KIR3DL2: variants seen among roughly 807,000 people sequenced by gnomAD.
KIR3DL2 encodes killer cell immunoglobulin like receptor, three Ig domains and long cytoplasmic tail 2.
Under a neutral mutation model 41.6 loss-of-function variants are expected in KIR3DL2, and 42 were observed. The ratio of observed to expected loss-of-function variants is 1.01; its 90% CI spans 0.79 to 1.31. KIR3DL2 has a LOEUF of 1.31. KIR3DL2 is among the 50% of genes most tolerant of loss of function. The probability of loss-of-function intolerance (pLI) is 0.00; values close to 1 mark genes in which losing one functional copy is unlikely to be tolerated. For synonymous variants in KIR3DL2, 230 were observed against 221.3 expected (o/e 1.04, Z -0.35); for missense variants, 728 against 576.8 (o/e 1.26, Z -2.68).
At chr19:54,854,378 T>C (rs1316794683) in intron 4 of KIR3DL2, among the ~76,000 whole-genome samples, 1 of 151,826 alleles carries the variant, frequency 6.6e-6, no homozygotes, top group Non-Finnish European at 1.5e-5. Context: ...AGAAGTTTCA[T>C]TTCTGTTTTG....
At chr19:54,864,349 T>C (rs1484393772) in intron 6 of KIR3DL2, among the ~76,000 whole-genome samples, 2 of 152,162 alleles carry the variant, frequency 1.3e-5, no homozygotes, top group African/African-American at 2.4e-5. Context: ...GGCTCTTTTT[T>C]GATTCCATAT....
At position 54,855,675 on chromosome 19, in the gene KIR3DL2, G is replaced by A. The variant is rs2064693923; in HGVS notation, c.712G>A (p.Glu238Lys). The change falls in exon 5 of 9, where the codon GAG becomes AAG. Residue 238 changes from glutamate to lysine, a missense_variant. Physicochemically the swap from Glu to Lys is moderately conservative, Grantham distance 56. Transcript: ENST00000326321. The stretch of plus-strand genomic sequence containing the variant: ...GCCGGGCCCCACGGTTCAGGCAGGA[G>A]AGAACGTGACCTTGTCCTGTAGCTC... ...AQPGPTVQAG[E>K]NVTLSCSSWS... 1.4e-5 allele frequency: 22 copies of A among 1,613,418 alleles called. No individual in the cohort carries two copies. The highest frequency in any genetic ancestry group is 1.8e-5 in the Non-Finnish European group (21 of 1,179,972).
chr19:54,855,593 G>A, intron 4 of KIR3DL2, 26 bp from the exon 5 acceptor site: 2 of 1,607,816 alleles, frequency 1.2e-6, no homozygotes, highest in Non-Finnish European at 1.7e-6. Context: ...GAACCTCCCT[G>A]AGGAAACTGC....
chr19:54,861,504 G>C (rs1601811828), intron 6 of KIR3DL2, among the ~76,000 whole-genome samples: 1 of 146,806 alleles, frequency 6.8e-6, no homozygotes, highest in Non-Finnish European at 1.5e-5. Flanking sequence ...AAATTAAACA[G>C]GCATGATGGT....
intron 6 of KIR3DL2, among the ~76,000 whole-genome samples, chr19:54,859,612 G>C (rs668422): frequency 0.58 from 87,139 of 150,770 alleles, 25,780 homozygotes; most frequent in East Asian, 0.92. Flanking sequence ...CTTCGACTCA[G>C]TGACTCATTC....
At chr19:54,865,699 T>C (rs552968135) in intron 6 of KIR3DL2, 106 bp from the exon 7 acceptor site, 3 of 996,458 alleles carry the variant, frequency 3.0e-6, no homozygotes, top group Non-Finnish European at 4.7e-6. Flanking sequence ...AGGCTGCTTG[T>C]CCTAAGGAGA....
chr19:54,851,107 GTT>G (rs547982475), intron 1 of KIR3DL2, 111 bp from the exon 2 acceptor site: 1 of 1,371,074 alleles, frequency 7.3e-7, no homozygotes, highest in Non-Finnish European at 1.0e-6. Context: ...GGGAGGCTAA[GTT>G]TACCTTCAGC....
In KIR3DL2 at chr19:54,855,075, A is replaced by T. The variant is rs1432183866; in HGVS notation, c.656-544A>T. ...TGATGATGATGAAGATAGATAGAAG[A>T]CACATATATAAATATATAGATACAT... On this transcript the variant is annotated intron_variant, in intron 4 of 8. Transcript: ENST00000326321. Among the ~76,000 whole-genome samples the T allele has an allele frequency of 5.8e-5, 8 of 137,116 alleles. No individual in the cohort carries two copies. The East Asian group carries it at 1.6e-3, about 28-fold the overall frequency. The allele number at this position is 137,116 out of a possible 152,430, so 90.0% of individuals were successfully genotyped here.
intron 5 of KIR3DL2, among the ~76,000 whole-genome samples, chr19:54,857,616 A>G (rs1288394914): frequency 6.6e-6 from 1 of 150,776 alleles, no homozygotes; most frequent in Non-Finnish European, 1.5e-5. Context: ...CAAGGGTGTG[A>G]TCTCGGCTCA....
chr19:54,866,649 C>A lies in KIR3DL2; in HGVS notation c.1286C>A (p.Thr429Lys), dbSNP rs141052127. 103 of 1,613,772 alleles carry A rather than the reference C, an allele frequency of 6.4e-5. No individual in the cohort carries two copies. In the Admixed American group the frequency reaches 6.8e-4, roughly 11 times the overall value. ...CCCCTAACAGATACCAGCGTGTACACGGAACTTCCAAATGCTGAGCCCAGA... is the reference window on the plus strand; with the variant it reads ...CCCCTAACAGATACCAGCGTGTACAAGGAACTTCCAAATGCTGAGCCCAGA... The part of the protein sequence containing the change: ...KTPLTDTSVY[T>K]ELPNAEPRSK... Residue 429 changes from threonine (T) to lysine (K), a missense_variant, in exon 9 of 9, where the codon ACG becomes AAG. Coordinates refer to ENST00000326321, the MANE Select transcript of KIR3DL2 (RefSeq NM_006737.4).
Position 54,856,047 on chromosome 19 carries a change from T to C in KIR3DL2, c.949+135T>C, listed in dbSNP as rs1320716575. The C allele has an allele frequency of 4.0e-5, 47 of 1,164,068 alleles. No individual in the cohort carries two copies. In the East Asian group the frequency reaches 8.5e-4, roughly 21 times the overall value. 72.1% of individuals were successfully genotyped at this position (1,164,068 alleles called of 1,614,324 possible). Reference sequence around the variant, plus strand: ...ACTGGGTGTGAGGGGGGGGTCAGGGTGCAGGATGGCAGACAGGGCACCTCC... The same window carrying C: ...ACTGGGTGTGAGGGGGGGGTCAGGGCGCAGGATGGCAGACAGGGCACCTCC... On this transcript the variant is annotated intron_variant, in intron 5 of 8. Coordinates refer to ENST00000326321, the MANE Select transcript of KIR3DL2 (RefSeq NM_006737.4).
chr19:54,853,616 A>C lies in KIR3DL2; in HGVS notation c.356-131A>C. 3 of 1,091,708 alleles carry C rather than the reference A, an allele frequency of 2.7e-6. No homozygotes were observed. In the South Asian group the frequency reaches 4.1e-5, roughly 15 times the overall value. 67.6% of individuals were successfully genotyped at this position (1,091,708 alleles called of 1,614,324 possible). ...GACCTGCACCAGGGGATATGGGCAC[A>C]GAAAAGACACGGAGACACAGAGAGG... is the stretch of plus-strand genomic sequence containing the variant. On this transcript the variant is annotated intron_variant, in intron 3 of 8. Transcript: ENST00000326321.
rs754703452 is a variant in KIR3DL2, at chr19:54,866,559, C to T, written c.1196C>T (p.Ala399Val). 6.9e-5 allele frequency: 112 copies of T among 1,614,088 alleles called. 2 individuals are homozygous for T. The Middle Eastern group carries it at 1.8e-3, about 26-fold the overall frequency. ...CAAGACCCTCAGGAGGTGACGTACG[C>T]ACAGTTGGATCACTGCGTTTTCATA... Reference protein sequence around the residue: ...DEQDPQEVTYAQLDHCVFIQR... With the variant: ...DEQDPQEVTYVQLDHCVFIQR... Residue 399 changes from alanine (A) to valine (V), a missense_variant, in exon 9 of 9, where the codon GCA (alanine) becomes GTA (valine). Ala to Val is a moderately conservative substitution (Grantham distance 64). Coordinates refer to ENST00000326321, the MANE Select transcript of KIR3DL2 (RefSeq NM_006737.4).
At chr19:54,857,146 G>C (rs1442948593) in intron 5 of KIR3DL2, among the ~76,000 whole-genome samples, 1 of 150,938 alleles carries the variant, frequency 6.6e-6, no homozygotes, top group Non-Finnish European at 1.5e-5. Context: ...TGGAGTCAAA[G>C]TGGTGCGATC....
chr19:54,851,928 C>A, intron 2 of KIR3DL2, 70 bp from the exon 3 acceptor site: 3 of 1,571,494 alleles, frequency 1.9e-6, no homozygotes, highest in Admixed American at 1.7e-5. Context: ...ATGGGAGAAT[C>A]TTCTGAGCAC....
chr19:54,853,627 G>A (rs1317248155), intron 3 of KIR3DL2, 120 bp from the exon 4 acceptor site: 31 of 1,179,880 alleles, frequency 2.6e-5, no homozygotes, highest in East Asian at 7.9e-5. Flanking sequence ...GAAAAGACAC[G>A]GAGACACAGA....
At position 54,866,522 on chromosome 19, in the gene KIR3DL2, G is replaced by C. The variant is rs1158166000; in HGVS notation, c.1159G>C (p.Asp387His). ...PAGDRTVNRQ[D>H]SDEQDPQEVT... ...TCACTCAGCATTTCCCTCTCTCCAG[G>C]ACTCTGATGAACAAGACCCTCAGGA... The change falls in exon 9 of 9, where the codon GAC becomes CAC. Residue 387 changes from aspartate to histidine, a missense_variant and splice_region_variant. By Grantham distance (81) the Asp-to-His change is moderately conservative. Transcript: ENST00000326321. 6.2e-7 allele frequency: 1 copy of C among 1,613,958 alleles called. No homozygotes were observed. Among genetic ancestry groups the C allele is most frequent in the Admixed American group, 1.7e-5 (1 of 60,018 alleles).
rs201432707 is a variant in KIR3DL2 at position 54,852,143 on chromosome 19, C to G, written c.216C>G (p.His72Gln). The G allele has an allele frequency of 3.1e-6, 5 of 1,612,252 alleles. No individual in the cohort carries two copies. The Middle Eastern group carries it at 6.6e-4, about 213-fold the overall frequency. ...ACAGAAGCCACGTTCCCATCTTCCACGGCAGAATATTCCAGGAGAGCTTCA... is the reference window on the plus strand; with the variant it reads ...ACAGAAGCCACGTTCCCATCTTCCAGGGCAGAATATTCCAGGAGAGCTTCA... The part of the protein sequence containing the change: ...KEDRSHVPIF[H>Q]GRIFQESFIM... Residue 72 changes from histidine to glutamine, a missense_variant, in exon 3 of 9, where the codon CAC becomes CAG. Coordinates refer to ENST00000326321, the MANE Select transcript of KIR3DL2 (RefSeq NM_006737.4).
rs199907798 is a variant in KIR3DL2 at position 54,856,031 on chromosome 19, GA to G, written c.949+120del. Reference sequence around the variant, plus strand: ...CAGAGAGAACACGAAGACTGGGTGTGAGGGGGGGGTCAGGGTGCAGGATGGC... The same window carrying G: ...CAGAGAGAACACGAAGACTGGGTGTGGGGGGGGGTCAGGGTGCAGGATGGC... On this transcript the variant is annotated intron_variant, in intron 5 of 8. Transcript: ENST00000326321. 12,623 of 1,262,962 alleles carry G rather than the reference GA, an allele frequency of 1.0e-2. 755 individuals carry two copies. In the African/African-American group the frequency reaches 0.14, roughly 14 times the overall value. The allele number at this position is 1,262,962 out of a possible 1,614,324, so 78.2% of individuals were successfully genotyped here. A position where few individuals can be genotyped will look rare whatever the true frequency, so the allele number is the denominator to read the frequency against.
Sources: allele counts gnomAD v4.1 joint callset (sites outside exome capture counted in the v4.1 genomes callset), GRCh38; gene constraint gnomAD v4.1.1; transcripts MANE v1.5; gene names NCBI Gene and HGNC (gene_info 2026-07-23, HGNC 2026-07-21).